The following CFAP144 variants were observed in gnomAD, a reference collection of about 807,000 sequenced individuals.
CFAP144 encodes the protein cilia- and flagella-associated protein 144.
chr1:43,145,375 G>A, the CFAP144 span: 1 of 1,070,292 alleles, frequency 9.3e-7, no homozygotes, highest in South Asian at 1.3e-5. Context: ...GGTCCCTGCT[G>A]TAGATAGATG....
At chr1:43,151,837 G>A in the CFAP144 span, among the ~76,000 whole-genome samples, 3 of 152,152 alleles carry the variant, frequency 2.0e-5, no homozygotes, top group Non-Finnish European at 2.9e-5. Flanking sequence ...AATAGAGAGG[G>A]CATCATCACA....
chr1:43,147,691 G>C, the CFAP144 span: 5 of 849,702 alleles, frequency 5.9e-6, no homozygotes, highest in East Asian at 4.9e-4. Context: ...CTAGTAACCA[G>C]CCGGGCCTGA....
chr1:43,154,060 G>GTATATA, the CFAP144 span, among the ~76,000 whole-genome samples: 4 of 71,764 alleles, frequency 5.6e-5, no homozygotes, highest in South Asian at 5.7e-4. Flanking sequence ...ATATATGTGT[G>GTATATA]TGTATATATA....
chr1:43,153,353 G>A, the CFAP144 span, among the ~76,000 whole-genome samples: 2 of 152,058 alleles, frequency 1.3e-5, no homozygotes, highest in Non-Finnish European at 2.9e-5. Flanking sequence ...CTCACACCTG[G>A]CATCCCAGCA....
chr1:43,154,060 G>GTATATATATATA, the CFAP144 span, among the ~76,000 whole-genome samples: 1 of 71,762 alleles, frequency 1.4e-5, no homozygotes, highest in African/African-American at 4.5e-5. Context: ...ATATATGTGT[G>GTATATATATATA]TGTATATATA....
chr1:43,143,119 A>T, the CFAP144 span, among the ~76,000 whole-genome samples: 212 of 152,300 alleles, frequency 1.4e-3, 2 homozygotes, highest in Middle Eastern at 6.8e-3. Context: ...ACGACCGTCA[A>T]GTACACATGT....
At chr1:43,150,705 G>A in the CFAP144 span, 2 of 1,480,566 alleles carry the variant, frequency 1.4e-6, no homozygotes, top group Admixed American at 1.9e-5. Flanking sequence ...ACCTTAGAGA[G>A]GGCAGGGAAC....
chr1:43,152,798 C>T, the CFAP144 span: 27 of 1,572,790 alleles, frequency 1.7e-5, no homozygotes, highest in East Asian at 2.3e-5. Flanking sequence ...CAAAGCCTGA[C>T]TCCTTCATAA....
chr1:43,155,369 C>T, the CFAP144 span, among the ~76,000 whole-genome samples: 1 of 152,204 alleles, frequency 6.6e-6, no homozygotes, highest in African/African-American at 2.4e-5. Flanking sequence ...CAGGACATCT[C>T]GTGCAGGCTT....
the CFAP144 span, among the ~76,000 whole-genome samples, chr1:43,151,656 A>G: frequency 0.46 from 69,643 of 151,898 alleles, 17,480 homozygotes; most frequent in African/African-American, 0.68. Flanking sequence ...TGGGAGTGAG[A>G]GAGGAGAGAT....
chr1:43,148,849 G>A, the CFAP144 span, among the ~76,000 whole-genome samples: 9,535 of 152,066 alleles, frequency 0.063, 662 homozygotes, highest in African/African-American at 0.18. Context: ...TTAAAAAAAG[G>A]CACAAGTCCT....
At chr1:43,150,768 A>G in the CFAP144 span, 3 of 1,608,946 alleles carry the variant, frequency 1.9e-6, no homozygotes, top group Non-Finnish European at 2.5e-6. Context: ...TAGTTCATAC[A>G]GTCACCAGGA....
At chr1:43,147,894 C>T in the CFAP144 span, 1 of 1,597,894 alleles carries the variant, frequency 6.3e-7, no homozygotes, top group Non-Finnish European at 8.5e-7. Flanking sequence ...ACAGCGGGGA[C>T]GCGTTGCCTG....
At chr1:43,146,118 A>T in the CFAP144 span, among the ~76,000 whole-genome samples, 1 of 152,228 alleles carries the variant, frequency 6.6e-6, no homozygotes, top group Non-Finnish European at 1.5e-5. Context: ...GAAAGGGTAA[A>T]ACAACAAATC....
At chr1:43,154,100 A>ATATATATATT in the CFAP144 span, among the ~76,000 whole-genome samples, 1 of 95,540 alleles carries the variant, frequency 1.0e-5, no homozygotes, top group Non-Finnish European at 2.2e-5. Context: ...ATATATATAT[A>ATATATATATT]CTCTCTTTTT....
At chr1:43,150,814 G>T in the CFAP144 span, 353 of 1,609,082 alleles carry the variant, frequency 2.2e-4, 2 homozygotes, top group South Asian at 3.6e-3. Context: ...GGAGGAACCT[G>T]CAGATGGTAA....
chr1:43,150,896 G>A, the CFAP144 span: 69 of 1,211,096 alleles, frequency 5.7e-5, no homozygotes, highest in Non-Finnish European at 7.5e-5. Flanking sequence ...TCTCAGGGTC[G>A]TGATATCTTG....
At chr1:43,153,777 C>T in the CFAP144 span, among the ~76,000 whole-genome samples, 1 of 151,406 alleles carries the variant, frequency 6.6e-6, no homozygotes, top group Admixed American at 6.6e-5. Flanking sequence ...CACACAATCA[C>T]CCCAAGGAAT....
At chr1:43,150,872 T>A in the CFAP144 span, 1 of 1,481,166 alleles carries the variant, frequency 6.8e-7, no homozygotes, top group Non-Finnish European at 9.3e-7. Context: ...AGAGGCAGGC[T>A]GGCTGGAGAG....
Sources: allele counts gnomAD v4.1 joint callset (sites outside exome capture counted in the v4.1 genomes callset), GRCh38; gene constraint gnomAD v4.1.1; transcripts MANE v1.5; gene names NCBI Gene and HGNC (gene_info 2026-07-23, HGNC 2026-07-21).